TENM3: variants seen among roughly 807,000 people sequenced by gnomAD.
The protein encoded by TENM3 is teneurin-3.
TENM3 carries 63 observed loss-of-function variants against 255.1 expected under a neutral mutation model. The observed-to-expected ratio is 0.25, with a 90% confidence interval of 0.20 to 0.30. The LOEUF (loss-of-function observed/expected upper bound fraction) is 0.30. Among genes scored for constraint, TENM3 ranks in the 10% least tolerant of loss-of-function variants. The pLI, the probability that TENM3 is intolerant of heterozygous loss-of-function variation, is 1.00. For missense variants in TENM3, 2,929 were observed against 3,461.1 expected (o/e 0.85, Z 3.86); for synonymous variants, 1,306 against 1,322.3 (o/e 0.99, Z 0.27).
At chr4:182,148,261 T>C (rs1579505203) in intron 1 of TENM3, among the ~76,000 whole-genome samples, 1 of 152,142 alleles carries the variant, frequency 6.6e-6, no homozygotes, top group Non-Finnish European at 1.5e-5. Flanking sequence ...TGCCTTATTA[T>C]GTAGAATTAA....
chr4:182,357,857 C>A (rs1765672412), intron 3 of TENM3, among the ~76,000 whole-genome samples: 1 of 151,898 alleles, frequency 6.6e-6, no homozygotes, highest in Non-Finnish European at 1.5e-5. Flanking sequence ...TTAAGTCTAA[C>A]ATTTAAGTCT....
At chr4:181,916,033 G>T in the TENM3 span, among the ~76,000 whole-genome samples, 1 of 152,026 alleles carries the variant, frequency 6.6e-6, no homozygotes, top group Non-Finnish European at 1.5e-5. Context: ...TCCGTATCAG[G>T]CCCCTTCAAG....
At chr4:181,987,206 G>T in the TENM3 span, among the ~76,000 whole-genome samples, 1 of 151,992 alleles carries the variant, frequency 6.6e-6, no homozygotes, top group South Asian at 2.1e-4. Context: ...TTTTTAAGTG[G>T]CAAAGCCAGA....
the TENM3 span, among the ~76,000 whole-genome samples, chr4:181,512,202 T>G: frequency 6.6e-6 from 1 of 152,186 alleles, no homozygotes; most frequent in South Asian, 2.1e-4. Flanking sequence ...GTCCCCAGTC[T>G]ACACTCTCCT....
chr4:181,933,087 G>A, the TENM3 span, among the ~76,000 whole-genome samples: 10 of 152,080 alleles, frequency 6.6e-5, no homozygotes, highest in South Asian at 4.2e-4. Context: ...TGGGTGCAGC[G>A]AACCACCATG....
At chr4:181,854,915 A>T in the TENM3 span, among the ~76,000 whole-genome samples, 1 of 152,190 alleles carries the variant, frequency 6.6e-6, no homozygotes, top group African/African-American at 2.4e-5. Context: ...TAAGGGTTTG[A>T]TTGGAATATT....
the TENM3 span, among the ~76,000 whole-genome samples, chr4:181,805,592 C>A: frequency 1.2e-5 from 1 of 86,646 alleles, no homozygotes; most frequent in African/African-American, 3.3e-5. Flanking sequence ...GCCGTGTGTG[C>A]ACTTTTGTGT....
At chr4:181,820,486 A>AACACAC in the TENM3 span, among the ~76,000 whole-genome samples, 8,510 of 148,086 alleles carry the variant, frequency 0.057, 586 homozygotes, top group African/African-American at 0.16. Context: ...ATTTTCTTTA[A>AACACAC]ACACACACAC....
the TENM3 span, among the ~76,000 whole-genome samples, chr4:182,003,113 G>A: frequency 6.6e-6 from 1 of 152,066 alleles, no homozygotes; most frequent in African/African-American, 2.4e-5. Flanking sequence ...ACAGCATGCA[G>A]GTAAGTTAAG....
intron 1 of TENM3, among the ~76,000 whole-genome samples, chr4:182,304,986 C>G (rs1288906426): frequency 6.6e-6 from 1 of 152,050 alleles, no homozygotes; most frequent in African/African-American, 2.4e-5. Flanking sequence ...GTCCTCCCCT[C>G]TCCTCTTTTC....
intron 1 of TENM3, among the ~76,000 whole-genome samples, chr4:182,232,609 A>G (rs1756651841): frequency 6.6e-6 from 1 of 152,104 alleles, no homozygotes; most frequent in Non-Finnish European, 1.5e-5. Context: ...AGGCAGGAGA[A>G]TCACTTGAAC....
At chr4:181,520,851 C>A in the TENM3 span, among the ~76,000 whole-genome samples, 1 of 152,170 alleles carries the variant, frequency 6.6e-6, no homozygotes, top group Non-Finnish European at 1.5e-5. Flanking sequence ...CAAGCATCTG[C>A]ATGTTTTACC....
chr4:182,535,611 T>C (rs959573237), intron 3 of TENM3, among the ~76,000 whole-genome samples: 4 of 151,942 alleles, frequency 2.6e-5, no homozygotes, highest in Admixed American at 6.6e-5. Flanking sequence ...TGTGGTGGCA[T>C]GCACCTGCCG....
chr4:182,079,492 G>A, the TENM3 span: 2 of 152,140 alleles, frequency 1.3e-5, no homozygotes, highest in African/African-American at 4.8e-5. Context: ...CTCCAGCCTG[G>A]GTGACAGAGC....
At chr4:182,228,128 T>C (rs1253465581) in intron 1 of TENM3, among the ~76,000 whole-genome samples, 7 of 151,868 alleles carry the variant, frequency 4.6e-5, no homozygotes, top group African/African-American at 1.7e-4. Context: ...AAGTAGCACA[T>C]ATATAGGATG....
intron 1 of TENM3, among the ~76,000 whole-genome samples, chr4:182,206,167 A>G (rs1315813297): frequency 6.6e-6 from 1 of 152,194 alleles, no homozygotes; most frequent in Non-Finnish European, 1.5e-5. Flanking sequence ...CGGAAAACAG[A>G]ATAGAATTTC....
chr4:182,110,853 G>A, the TENM3 span, among the ~76,000 whole-genome samples: 2 of 152,070 alleles, frequency 1.3e-5, no homozygotes, highest in African/African-American at 4.8e-5. Flanking sequence ...CTGAACCTGA[G>A]GAACAAATAG....
the TENM3 span, among the ~76,000 whole-genome samples, chr4:181,661,934 C>T: frequency 8.0e-5 from 12 of 150,314 alleles, no homozygotes; most frequent in African/African-American, 2.2e-4. Context: ...TTCTGCTTTT[C>T]GGTTCTTGGG....
Position 182,393,096 on chromosome 4 carries a change from G to A in TENM3, c.511+46167G>A, listed in dbSNP as rs147964835. On this transcript the variant is annotated intron_variant, in intron 3 of 27. Transcript: ENST00000511685. ...ATGAGATCCATTTCCATCACCGTCT[G>A]TGTAGCACACCATTAAAAATAACTA... Among the ~76,000 whole-genome samples the A allele has an allele frequency of 2.2e-3, 339 of 152,318 alleles. 6 individuals are homozygous for A. The East Asian group carries it at 0.033, about 15-fold the overall frequency.
Sources: allele counts gnomAD v4.1 joint callset (sites outside exome capture counted in the v4.1 genomes callset), GRCh38; gene constraint gnomAD v4.1.1; transcripts MANE v1.5; gene names NCBI Gene and HGNC (gene_info 2026-07-23, HGNC 2026-07-21).